Variants in DIAPH3 observed in about 807,000 individuals in gnomAD.
DIAPH3 encodes the protein diaphanous related formin 3.
A neutral mutation model predicts 144.3 loss-of-function variants in DIAPH3; 117 were observed. The ratio of observed to expected loss-of-function variants is 0.81; its 90% confidence interval spans 0.70 to 0.95. The LOEUF (loss-of-function observed/expected upper bound fraction) is 0.95, where lower values mean the gene tolerates loss of function less well. Ranked by LOEUF, DIAPH3 falls within the 40% of genes least tolerant of loss-of-function variation. The probability of loss-of-function intolerance (pLI) is 0.00; values close to 1 mark genes in which losing one functional copy is unlikely to be tolerated. For synonymous variants in DIAPH3, 519 were observed against 488.9 expected, an observed-to-expected ratio of 1.06 and a Z score of -0.81; for missense variants, 1,421 against 1,412.7, an observed-to-expected ratio of 1.01 and a Z score of -0.09.
intron 20 of DIAPH3, 118 bp from the exon 21 acceptor site, chr13:59,879,586 C>A: frequency 7.2e-7 from 1 of 1,383,572 alleles, no homozygotes; most frequent in South Asian, 1.3e-5. Context: ...AGAAATATGT[C>A]TCCTAAAACT....
chr13:60,088,707 C>T (rs1477431259), intron 4 of DIAPH3, among the ~76,000 whole-genome samples: 1 of 152,152 alleles, frequency 6.6e-6, no homozygotes, highest in African/African-American at 2.4e-5. Flanking sequence ...CCGCAACCTC[C>T]ACCTCCTGGG....
intron 4 of DIAPH3, among the ~76,000 whole-genome samples, chr13:60,083,834 T>C (rs1281013339): frequency 5.9e-5 from 9 of 151,608 alleles, no homozygotes; most frequent in Non-Finnish European, 1.0e-4. Context: ...AGCCCAGGAG[T>C]TCAGTATTAC....
chr13:59,916,214 C>T lies in DIAPH3; in HGVS notation c.2206G>A (p.Glu736Lys). ...ACTTCCAATATCATCATTCTGATTTCCTCATATGGCACCCGAAAAGAGCTC... is the reference window on the plus strand; with the variant it reads ...ACTTCCAATATCATCATTCTGATTTTCTCATATGGCACCCGAAAAGAGCTC... Reference protein sequence around the residue: ...FLSSFRVPYEEIRMMILEVDE... With the variant: ...FLSSFRVPYEKIRMMILEVDE... Residue 736 changes from glutamate to lysine, a missense_variant, in exon 19 of 28, where the codon GAA becomes AAA. By Grantham distance (56) the Glu-to-Lys change is moderately conservative. Coordinates refer to ENST00000400324, the MANE Select transcript of DIAPH3 (RefSeq NM_001042517.2). 1 of 1,613,204 alleles carries T rather than the reference C, an allele frequency of 6.2e-7. No individual in the cohort carries two copies. Among genetic ancestry groups the T allele is most frequent in the Non-Finnish European group, 8.5e-7 (1 of 1,179,486 alleles).
At chr13:59,681,541 T>C (rs2032948680) in intron 27 of DIAPH3, among the ~76,000 whole-genome samples, 1 of 151,830 alleles carries the variant, frequency 6.6e-6, no homozygotes, top group Non-Finnish European at 1.5e-5. Context: ...AACTCAAATT[T>C]AGTTATAACA....
intron 17 of DIAPH3, among the ~76,000 whole-genome samples, chr13:59,968,254 G>T (rs1237907489): frequency 6.6e-6 from 1 of 152,122 alleles, no homozygotes; most frequent in Non-Finnish European, 1.5e-5. Context: ...CATTAATTAA[G>T]AAAGTAATCA....
chr13:60,022,420 T>A (rs943943336), intron 5 of DIAPH3, among the ~76,000 whole-genome samples: 1 of 151,098 alleles, frequency 6.6e-6, no homozygotes, highest in Non-Finnish European at 1.5e-5. Flanking sequence ...TTAAGAAAGT[T>A]CCCCTCTGTA....
intron 17 of DIAPH3, among the ~76,000 whole-genome samples, chr13:59,946,494 G>A (rs906549334): frequency 2.0e-5 from 3 of 152,126 alleles, no homozygotes; most frequent in African/African-American, 7.2e-5. Context: ...GATAGCATAT[G>A]AAACACAATG....
Position 60,162,805 on chromosome 13 carries a change from T to A in DIAPH3, c.180+782A>T, listed in dbSNP as rs973523477. Among the ~76,000 whole-genome samples, 656 of 136,482 alleles carry A rather than the reference T, an allele frequency of 4.8e-3. 5 individuals carry two copies. The highest frequency in any genetic ancestry group is 0.016 in the African/African-American group (615 of 38,096). 89.5% of individuals were successfully genotyped at this position (136,482 alleles called of 152,430 possible). A position where few individuals can be genotyped will look rare whatever the true frequency, so the allele number is the denominator to read the frequency against. ...TGTACTCTCTCTCTCTCTCTCTCTC[T>A]CTCTCACACACACACACACACACAC... is the stretch of plus-strand genomic sequence containing the variant. On this transcript the variant is annotated intron_variant, in intron 1 of 27. Coordinates refer to ENST00000400324, the MANE Select transcript of DIAPH3 (RefSeq NM_001042517.2).
chr13:60,147,636 AG>A (rs1254164626), intron 1 of DIAPH3, among the ~76,000 whole-genome samples: 2 of 152,222 alleles, frequency 1.3e-5, no homozygotes, highest in Non-Finnish European at 2.9e-5. Context: ...CTTTCTAGAC[AG>A]GAGGTCTAGC....
chr13:59,951,158 T>C (rs558947729), intron 17 of DIAPH3, among the ~76,000 whole-genome samples: 2 of 152,172 alleles, frequency 1.3e-5, no homozygotes, highest in East Asian at 1.9e-4. Context: ...ATAATCCTCA[T>C]ATGTTGTGGT....
intron 27 of DIAPH3, among the ~76,000 whole-genome samples, chr13:59,733,148 T>C (rs1566236250): frequency 6.6e-6 from 1 of 152,212 alleles, no homozygotes; most frequent in African/African-American, 2.4e-5. Flanking sequence ...TTAGAAATGA[T>C]GTTAACTTTT....
intron 27 of DIAPH3, among the ~76,000 whole-genome samples, chr13:59,723,333 C>A (rs912612075): frequency 6.6e-6 from 1 of 152,152 alleles, no homozygotes; most frequent in Non-Finnish European, 1.5e-5. Flanking sequence ...CTGCAGGTGC[C>A]CATTCATTTC....
intron 27 of DIAPH3, among the ~76,000 whole-genome samples, chr13:59,732,965 A>C (rs1011852643): frequency 6.6e-6 from 1 of 152,114 alleles, no homozygotes; most frequent in Non-Finnish European, 1.5e-5. Context: ...AAGTCGTGAA[A>C]TTTTTGTTTT....
At chr13:59,941,207 C>T (rs1197622824) in intron 17 of DIAPH3, among the ~76,000 whole-genome samples, 1 of 152,078 alleles carries the variant, frequency 6.6e-6, no homozygotes, top group African/African-American at 2.4e-5. Context: ...CAAAACATTC[C>T]TTTAACTATA....
At chr13:59,788,526 C>T (rs2039152818) in intron 25 of DIAPH3, among the ~76,000 whole-genome samples, 1 of 152,070 alleles carries the variant, frequency 6.6e-6, no homozygotes. Flanking sequence ...GAAAATTATT[C>T]TACATGTATA....
rs369652332 is a variant in DIAPH3 at position 59,970,841 on chromosome 13, A to C, written c.1959+11T>G. Reference sequence around the variant, plus strand: ...TAAGTAAAAGTATTTTCCTCTATTAATTTCTTTTACCTTTAACCAATTCAA... The same window carrying C: ...TAAGTAAAAGTATTTTCCTCTATTACTTTCTTTTACCTTTAACCAATTCAA... On this transcript the variant is annotated intron_variant, in intron 16 of 27. Coordinates refer to ENST00000400324, the MANE Select transcript of DIAPH3 (RefSeq NM_001042517.2). 1.2e-6 allele frequency: 2 copies of C among 1,607,366 alleles called. No homozygotes were observed. Among genetic ancestry groups the C allele is most frequent in the African/African-American group, 2.7e-5 (2 of 74,756 alleles).
chr13:60,070,995 T>C (rs2057185799), intron 4 of DIAPH3, among the ~76,000 whole-genome samples: 1 of 152,250 alleles, frequency 6.6e-6, no homozygotes, highest in Non-Finnish European at 1.5e-5. Flanking sequence ...ACAGTAATAA[T>C]ACATTTAGAA....
intron 4 of DIAPH3, among the ~76,000 whole-genome samples, chr13:60,092,938 T>TC (rs2057998023): frequency 6.6e-6 from 1 of 152,218 alleles, no homozygotes; most frequent in Non-Finnish European, 1.5e-5. Flanking sequence ...TGAGCCAAAA[T>TC]CATTTTCCAC....
intron 22 of DIAPH3, among the ~76,000 whole-genome samples, chr13:59,847,498 A>T (rs1168488093): frequency 1.3e-5 from 2 of 152,214 alleles, no homozygotes; most frequent in Non-Finnish European, 2.9e-5. Context: ...GAGAAAGTGT[A>T]TTAGTGGGAG....
Sources: gnomAD v4.1 joint callset for allele counts (sites outside exome capture counted in the v4.1 genomes callset) on GRCh38, gnomAD v4.1.1 for gene constraint, MANE v1.5 for transcripts, NCBI Gene and HGNC (gene_info 2026-07-23, HGNC 2026-07-21) for gene names.